LRRC4C: variants seen among roughly 807,000 people sequenced by gnomAD.
The protein encoded by LRRC4C is leucine rich repeat containing 4C.
In LRRC4C, 5 loss-of-function variants were observed where a neutral mutation model predicts 33.6. The ratio of observed to expected loss-of-function variants is 0.15; its 90% CI spans 0.08 to 0.31. The LOEUF is 0.31. LRRC4C is among the 10% of genes least tolerant of loss of function. The pLI is 1.00. For missense variants in LRRC4C, 560 were observed against 796.7 expected (o/e 0.70, Z 3.58); for synonymous variants, 329 against 302.0 (o/e 1.09, Z -0.93).
intron 5 of LRRC4C, among the ~76,000 whole-genome samples, chr11:40,184,124 C>T (rs1047647692): frequency 1.3e-5 from 2 of 152,136 alleles, no homozygotes; most frequent in African/African-American, 4.8e-5. Flanking sequence ...CTCAATTTCC[C>T]TGGGACAGTT....
intron 2 of LRRC4C, among the ~76,000 whole-genome samples, chr11:40,686,666 C>T (rs960543158): frequency 6.6e-6 from 1 of 151,950 alleles, no homozygotes; most frequent in East Asian, 1.9e-4. Context: ...GAAAATGAAA[C>T]GGTTCAAAAT....
At chr11:40,844,526 T>G (rs1953067831) in intron 2 of LRRC4C, among the ~76,000 whole-genome samples, 1 of 152,176 alleles carries the variant, frequency 6.6e-6, no homozygotes, top group Non-Finnish European at 1.5e-5. Context: ...GTGATATGAC[T>G]GTAAAAGATA....
chr11:41,198,922 T>C (rs550103303), intron 1 of LRRC4C, among the ~76,000 whole-genome samples: 1 of 152,194 alleles, frequency 6.6e-6, no homozygotes, highest in African/African-American at 2.4e-5. Context: ...CAACGGGTGT[T>C]TTATTTATTT....
chr11:41,208,891 C>T (rs994208197), intron 1 of LRRC4C, among the ~76,000 whole-genome samples: 5 of 152,086 alleles, frequency 3.3e-5, no homozygotes, highest in Non-Finnish European at 7.4e-5. Context: ...GGGTAGGGCA[C>T]CCCACAGAAC....
At chr11:40,511,113 TA>T (rs1293291036) in intron 3 of LRRC4C, among the ~76,000 whole-genome samples, 9 of 152,140 alleles carry the variant, frequency 5.9e-5, no homozygotes, top group Non-Finnish European at 1.3e-4. Context: ...ATAAGAAATT[TA>T]AAGGCATCTT....
chr11:40,944,795 T>C (rs980819066), intron 1 of LRRC4C, among the ~76,000 whole-genome samples: 3 of 152,220 alleles, frequency 2.0e-5, no homozygotes, highest in Non-Finnish European at 4.4e-5. Flanking sequence ...TTCCAATTTC[T>C]GGCCATCTTG....
chr11:41,148,263 C>G (rs1450158667), intron 1 of LRRC4C, among the ~76,000 whole-genome samples: 3 of 152,032 alleles, frequency 2.0e-5, no homozygotes, highest in East Asian at 1.9e-4. Context: ...GATCTGCCTG[C>G]CTCAGACTCC....
chr11:40,697,327 G>A lies in LRRC4C; in HGVS notation c.-406-49049C>T, dbSNP rs1036302711. Among the ~76,000 whole-genome samples the A allele has an allele frequency of 4.6e-5, 7 of 152,188 alleles. No individual in the cohort carries two copies. The South Asian group carries it at 6.2e-4, about 14-fold the overall frequency. ...TTGAACTGGATCTTAGGGAGTAATGGGAGACTCAAAGCGCAAGGAGGCTGA... is the reference window on the plus strand; with the variant it reads ...TTGAACTGGATCTTAGGGAGTAATGAGAGACTCAAAGCGCAAGGAGGCTGA... On this transcript the variant is annotated intron_variant, in intron 2 of 6. Transcript: ENST00000528697.
At chr11:41,021,208 AGAGAGAGTGTGTGT>A (rs1855954904) in intron 1 of LRRC4C, among the ~76,000 whole-genome samples, 3 of 130,850 alleles carry the variant, frequency 2.3e-5, no homozygotes, top group African/African-American at 8.8e-5. Flanking sequence ...AGAGAGAGAG[AGAGAGAGTGTGTGT>A]GTGTGTGTGT....
intron 5 of LRRC4C, among the ~76,000 whole-genome samples, chr11:40,222,274 A>G (rs985264555): frequency 2.6e-5 from 4 of 152,164 alleles, no homozygotes; most frequent in African/African-American, 4.8e-5. Flanking sequence ...AGTGTTTGCT[A>G]TTGGGAAAAT....
intron 3 of LRRC4C, among the ~76,000 whole-genome samples, chr11:40,453,804 G>A (rs1590789897): frequency 6.6e-6 from 1 of 152,226 alleles, no homozygotes; most frequent in East Asian, 1.9e-4. Flanking sequence ...GCTTATGGTG[G>A]GGTGAGAAAT....
At chr11:41,441,192 A>G (rs1955607108) in intron 1 of LRRC4C, among the ~76,000 whole-genome samples, 1 of 152,160 alleles carries the variant, frequency 6.6e-6, no homozygotes, top group Admixed American at 6.5e-5. Context: ...ATGCTAAGGG[A>G]ATCTGAATGT....
intron 3 of LRRC4C, among the ~76,000 whole-genome samples, chr11:40,390,565 C>A (rs1017911483): frequency 6.6e-6 from 1 of 152,070 alleles, no homozygotes; most frequent in African/African-American, 2.4e-5. Context: ...ATATATTAAG[C>A]CTTTTCTATT....
At chr11:41,185,043 C>G (rs1012836754) in intron 1 of LRRC4C, among the ~76,000 whole-genome samples, 7 of 152,038 alleles carry the variant, frequency 4.6e-5, no homozygotes, top group Non-Finnish European at 1.5e-5. Context: ...AAGACCCACT[C>G]CCATGATTCA....
intron 1 of LRRC4C, among the ~76,000 whole-genome samples, chr11:41,253,338 A>T (rs1182449881): frequency 6.6e-6 from 1 of 152,250 alleles, no homozygotes; most frequent in South Asian, 2.1e-4. Context: ...TTCAATGTTC[A>T]TTAAGCAAAG....
chr11:41,295,292 A>G, intron 1 of LRRC4C, among the ~76,000 whole-genome samples: 1 of 152,342 alleles, frequency 6.6e-6, no homozygotes, highest in Non-Finnish European at 1.5e-5. Flanking sequence ...GACCATCCCT[A>G]TATTTTAGTA....
chr11:40,142,340 G>A (rs903046511), intron 5 of LRRC4C, among the ~76,000 whole-genome samples: 5 of 148,988 alleles, frequency 3.4e-5, no homozygotes, highest in African/African-American at 1.2e-4. Flanking sequence ...AAATCTCATG[G>A]TTTCAAGAAG....
chr11:40,860,651 T>C (rs145730674), intron 2 of LRRC4C, among the ~76,000 whole-genome samples: 1 of 152,046 alleles, frequency 6.6e-6, no homozygotes, highest in South Asian at 2.1e-4. Context: ...AGAACACTAG[T>C]CATATTGAAT....
intron 4 of LRRC4C, among the ~76,000 whole-genome samples, chr11:40,250,963 T>C: frequency 6.6e-6 from 1 of 152,130 alleles, no homozygotes; most frequent in East Asian, 1.9e-4. Flanking sequence ...TGGTTTTAAT[T>C]AATCAAAGTT....
Sources: allele counts gnomAD v4.1 joint callset (sites outside exome capture counted in the v4.1 genomes callset), GRCh38; gene constraint gnomAD v4.1.1; transcripts MANE v1.5; gene names NCBI Gene and HGNC (gene_info 2026-07-23, HGNC 2026-07-21).